Variants in HECW1 observed in about 807,000 individuals in gnomAD.
The protein encoded by HECW1 is E3 ubiquitin-protein ligase HECW1.
HECW1 carries 61 observed loss-of-function variants against 182.3 expected under a neutral mutation model. The observed-to-expected ratio is 0.33, with a 90% CI of 0.27 to 0.41. The LOEUF is 0.41. Among genes scored for constraint, HECW1 ranks in the 10% least tolerant of loss-of-function variants. The pLI is 1.00. For synonymous variants in HECW1, 859 were observed against 832.6 expected (o/e 1.03, Z -0.55); for missense variants, 1,739 against 2,108.9 (o/e 0.82, Z 3.44).
At chr7:43,360,798 C>T in intron 5 of HECW1, 88 bp from the exon 6 acceptor site, 1 of 933,204 alleles carries the variant, frequency 1.1e-6, no homozygotes, top group Non-Finnish European at 1.8e-6. Flanking sequence ...AATTATGTTG[C>T]AGTTCTTAGA....
intron 24 of HECW1, among the ~76,000 whole-genome samples, chr7:43,540,004 T>C (rs1490976747): frequency 6.6e-6 from 1 of 152,246 alleles, no homozygotes; most frequent in Non-Finnish European, 1.5e-5. Flanking sequence ...GCACTTTCAC[T>C]GAGGTTTTGT....
intron 2 of HECW1, among the ~76,000 whole-genome samples, chr7:43,127,730 G>A (rs1294304573): frequency 6.6e-6 from 1 of 152,170 alleles, no homozygotes; most frequent in Non-Finnish European, 1.5e-5. Flanking sequence ...GAAGCTAGCA[G>A]AAGTTGGTTC....
chr7:43,377,429 C>A (rs890533906), intron 6 of HECW1, among the ~76,000 whole-genome samples: 1 of 152,134 alleles, frequency 6.6e-6, no homozygotes, highest in Non-Finnish European at 1.5e-5. Context: ...CACCCTGCCC[C>A]CTCACAATAA....
chr7:43,321,201 T>G (rs1273082551), intron 5 of HECW1, among the ~76,000 whole-genome samples: 1 of 152,212 alleles, frequency 6.6e-6, no homozygotes, highest in Non-Finnish European at 1.5e-5. Context: ...TGCTCTGACC[T>G]TTGGCTCTGG....
chr7:43,183,619 T>G (rs1313124174), intron 2 of HECW1, among the ~76,000 whole-genome samples: 2 of 152,206 alleles, frequency 1.3e-5, no homozygotes, highest in Non-Finnish European at 2.9e-5. Context: ...TTTATATAAA[T>G]TCTGTGAAGT....
intron 3 of HECW1, among the ~76,000 whole-genome samples, chr7:43,301,197 TG>T (rs141553346): frequency 0.076 from 11,629 of 152,262 alleles, 1,327 homozygotes; most frequent in African/African-American, 0.25. Flanking sequence ...CAACACTGTC[TG>T]GCAGACAGCT....
At chr7:43,280,191 C>T (rs1332518117) in intron 3 of HECW1, among the ~76,000 whole-genome samples, 2 of 152,168 alleles carry the variant, frequency 1.3e-5, no homozygotes, top group Non-Finnish European at 2.9e-5. Context: ...AGTGCCTCCT[C>T]TAGGTAACAC....
chr7:43,345,046 G>A (rs1472973925), intron 5 of HECW1, among the ~76,000 whole-genome samples: 1 of 152,176 alleles, frequency 6.6e-6, no homozygotes, highest in Non-Finnish European at 1.5e-5. Flanking sequence ...AGGCTGTGAA[G>A]TATAGACTCC....
At chr7:43,148,749 C>T (rs1040618888) in intron 2 of HECW1, 2 of 151,688 alleles carry the variant, frequency 1.3e-5, no homozygotes, top group Non-Finnish European at 2.9e-5. Flanking sequence ...GATCAAGTCC[C>T]TTGATGACAT....
At chr7:43,480,894 A>G (rs2078409755) in intron 17 of HECW1, among the ~76,000 whole-genome samples, 1 of 152,160 alleles carries the variant, frequency 6.6e-6, no homozygotes, top group African/African-American at 2.4e-5. Context: ...TATCGGCACC[A>G]GTTATTTACC....
intron 3 of HECW1, among the ~76,000 whole-genome samples, chr7:43,288,197 T>C (rs1295675948): frequency 1.3e-5 from 2 of 152,286 alleles, no homozygotes; most frequent in African/African-American, 4.8e-5. Context: ...GACTGAACTT[T>C]CTCAATGAGA....
chr7:43,219,283 C>G (rs1235082940), intron 2 of HECW1, among the ~76,000 whole-genome samples: 1 of 152,120 alleles, frequency 6.6e-6, no homozygotes, highest in Non-Finnish European at 1.5e-5. Context: ...CAGCTAGGCT[C>G]TAAGACCCAG....
chr7:43,444,432 A>T lies in HECW1; in HGVS notation c.1260A>T (p.Ala420=). 6.2e-7 allele frequency: 1 copy of T among 1,613,990 alleles called. No individual in the cohort carries two copies. The change falls in exon 11 of 30, where the codon GCA becomes GCT. Residue 420 remains alanine, a synonymous_variant. Coordinates refer to ENST00000395891, the MANE Select transcript of HECW1 (RefSeq NM_015052.5). The surrounding 1 kb of genome is among the most constrained non-coding windows in gnomAD (Gnocchi z 4.3). Reference sequence around the variant, plus strand: ...TTTCCAGACCAGCTGAGGAAGCAGCAGTCATCACGGAGGCAGGAGACCAGG... The same window carrying T: ...TTTCCAGACCAGCTGAGGAAGCAGCTGTCATCACGGAGGCAGGAGACCAGG... ...IELSRPAEEA[A]VITEAGDQGM... is the part of the protein sequence containing the mutation.
At chr7:43,381,415 G>C (rs944587826) in intron 6 of HECW1, among the ~76,000 whole-genome samples, 1 of 151,990 alleles carries the variant, frequency 6.6e-6, no homozygotes, top group African/African-American at 2.4e-5. Flanking sequence ...TTGAACTCCT[G>C]GGCTCAAGCA....
chr7:43,456,371 C>A lies in HECW1; in HGVS notation c.2575C>A (p.Arg859Ser). Residue 859 changes from arginine (R) to serine (S), a missense_variant, in exon 13 of 30, where the codon CGT becomes AGT. Arg to Ser is a moderately radical substitution (Grantham distance 110, BLOSUM62 -1). Transcript: ENST00000395891. ...DHVNRTTTWQRPTAAATPDGM... is the reference protein window; with the variant it reads ...DHVNRTTTWQSPTAAATPDGM... ...CGTGAACCGCACAACCACCTGGCAG[C>A]GTCCGACGGCAGCAGCCACCCCGGA... The A allele has an allele frequency of 1.9e-6, 3 of 1,613,998 alleles. No individual in the cohort carries two copies. Among genetic ancestry groups the A allele is most frequent in the Non-Finnish European group, 2.5e-6 (3 of 1,179,942 alleles).
chr7:43,363,492 C>T (rs1325975557), intron 6 of HECW1, among the ~76,000 whole-genome samples: 1 of 152,178 alleles, frequency 6.6e-6, no homozygotes, highest in African/African-American at 2.4e-5. Context: ...AATCAGTAGA[C>T]ACTTGGGTTG....
intron 2 of HECW1, among the ~76,000 whole-genome samples, chr7:43,201,699 A>T (rs565929337): frequency 1.3e-5 from 2 of 152,368 alleles, no homozygotes; most frequent in Admixed American, 1.3e-4. Flanking sequence ...ACTCTAGACT[A>T]GGGAATCTTG....
chr7:43,527,521 T>C (rs2080806262), intron 24 of HECW1, among the ~76,000 whole-genome samples: 1 of 152,166 alleles, frequency 6.6e-6, no homozygotes, highest in Non-Finnish European at 1.5e-5. Flanking sequence ...ATAAGAACGC[T>C]TGTCGATGGA....
rs539720044 is a variant in HECW1, at chr7:43,320,770, T to C, written c.460+28T>C. 98 of 1,506,000 alleles carry C rather than the reference T, an allele frequency of 6.5e-5. No individual in the cohort carries two copies. In the African/African-American group the frequency reaches 1.2e-3, roughly 19 times the overall value. 93.3% of individuals were successfully genotyped at this position (1,506,000 alleles called of 1,614,324 possible). ...GAGTACCTTTACCATTCTTGTGGCT[T>C]GGCAGACATGGATGAAGCAGAATTC... On this transcript the variant is annotated intron_variant, in intron 5 of 29. Coordinates refer to ENST00000395891, the MANE Select transcript of HECW1 (RefSeq NM_015052.5).
Sources: gnomAD v4.1 joint callset for allele counts (sites outside exome capture counted in the v4.1 genomes callset) on GRCh38, gnomAD v4.1.1 for gene constraint, Gnocchi (gnomAD v3.1) non-coding constraint, MANE v1.5 for transcripts, NCBI Gene and HGNC (gene_info 2026-07-23, HGNC 2026-07-21) for gene names.